NAALADL2: variants seen among roughly 807,000 people sequenced by gnomAD.
The protein encoded by NAALADL2 is inactive N-acetylated-alpha-linked acidic dipeptidase-like protein 2.
Under a neutral mutation model 87.2 loss-of-function variants are expected in NAALADL2, and 76 were observed. The observed-to-expected ratio is 0.87, with a 90% CI of 0.72 to 1.05. The LOEUF is 1.05. Ranked by LOEUF, NAALADL2 falls within the 50% of genes least tolerant of loss-of-function variation. The pLI, the probability that NAALADL2 is intolerant of heterozygous loss-of-function variation, is 0.00. For synonymous variants in NAALADL2, 354 were observed against 331.0 expected (o/e 1.07, Z -0.75); for missense variants, 1,089 against 945.8 (o/e 1.15, Z -1.99).
At chr3:174,780,182 T>A (rs902478146) in intron 3 of NAALADL2, among the ~76,000 whole-genome samples, 1 of 152,220 alleles carries the variant, frequency 6.6e-6, no homozygotes, top group Non-Finnish European at 1.5e-5. Context: ...GAAGAAGTCC[T>A]TCAAATCCCT....
At chr3:175,637,218 C>G (rs1316464634) in intron 11 of NAALADL2, among the ~76,000 whole-genome samples, 1 of 152,178 alleles carries the variant, frequency 6.6e-6, no homozygotes, top group Admixed American at 6.5e-5. Flanking sequence ...ATATTCCAGT[C>G]TGAGATATGT....
intron 2 of NAALADL2, among the ~76,000 whole-genome samples, chr3:174,643,195 T>C (rs1200061953): frequency 6.6e-6 from 1 of 152,166 alleles, no homozygotes; most frequent in Non-Finnish European, 1.5e-5. Context: ...CACAGAGTAG[T>C]TCCTGCTCTC....
At chr3:175,344,356 G>T (rs574542702) in intron 5 of NAALADL2, among the ~76,000 whole-genome samples, 1 of 151,528 alleles carries the variant, frequency 6.6e-6, no homozygotes, top group Admixed American at 6.6e-5. Context: ...TACACAATAT[G>T]GTAGAAGTAG....
intron 1 of NAALADL2, among the ~76,000 whole-genome samples, chr3:175,061,883 T>C (rs1580250658): frequency 6.6e-6 from 1 of 152,000 alleles, no homozygotes; most frequent in East Asian, 1.9e-4. Context: ...TAGATGCACT[T>C]GGGTAAATAT....
intron 5 of NAALADL2, among the ~76,000 whole-genome samples, chr3:175,423,436 G>T (rs1295669786): frequency 2.7e-5 from 3 of 111,172 alleles, no homozygotes; most frequent in Admixed American, 1.2e-4. Flanking sequence ...CCCACAACAG[G>T]CCCCGGTGTG....
chr3:175,061,729 AT>A, intron 1 of NAALADL2, among the ~76,000 whole-genome samples: 1 of 52,448 alleles, frequency 1.9e-5, no homozygotes, highest in Non-Finnish European at 3.7e-5. Flanking sequence ...ACTTGCACAA[AT>A]ATATATATAT....
At chr3:175,089,383 TAA>T (rs1044608926) in intron 1 of NAALADL2, among the ~76,000 whole-genome samples, 1 of 152,174 alleles carries the variant, frequency 6.6e-6, no homozygotes, top group African/African-American at 2.4e-5. Context: ...GTTTAATATT[TAA>T]AAGAGTAGGT....
chr3:175,678,640 C>T lies in NAALADL2; in HGVS notation c.1896+51254C>T, dbSNP rs1025916812. The stretch of plus-strand genomic sequence containing the variant: ...ATCGCAAGGACAGAAAACTAAACAC[C>T]GCATGTTCTCAATCATAGGTGGGAA... On this transcript the variant is annotated intron_variant, in intron 11 of 13. Transcript: ENST00000454872. 3.9e-5 allele frequency among the ~76,000 whole-genome samples: 6 copies of T among 152,114 alleles called. No homozygotes were observed. In the South Asian group the frequency reaches 6.2e-4, roughly 16 times the overall value.
intron 5 of NAALADL2, among the ~76,000 whole-genome samples, chr3:175,409,639 A>G (rs1435995540): frequency 1.3e-5 from 2 of 152,090 alleles, no homozygotes; most frequent in Non-Finnish European, 2.9e-5. Flanking sequence ...CCTCCCAAGA[A>G]CTTACCAAAT....
chr3:175,084,484 C>A (rs947506731), intron 1 of NAALADL2, among the ~76,000 whole-genome samples: 1 of 152,162 alleles, frequency 6.6e-6, no homozygotes, highest in African/African-American at 2.4e-5. Flanking sequence ...TCTTGGTACT[C>A]AGGGCTATAA....
chr3:174,744,596 G>A (rs1333078743), intron 3 of NAALADL2, among the ~76,000 whole-genome samples: 2 of 152,014 alleles, frequency 1.3e-5, no homozygotes, highest in African/African-American at 4.8e-5. Flanking sequence ...GGATCAAGTG[G>A]ACCTGATAGA....
chr3:175,636,989 C>G lies in NAALADL2; in HGVS notation c.1896+9603C>G, dbSNP rs751970786. Among the ~76,000 whole-genome samples the G allele has an allele frequency of 2.0e-5, 3 of 152,154 alleles. No homozygotes were observed. In the East Asian group the frequency reaches 5.8e-4, roughly 29 times the overall value. Reference sequence around the variant, plus strand: ...TAAATATTTGATTTAATTCATCACCCAAGAACTTCATGTTGAAAATATTTT... The same window carrying G: ...TAAATATTTGATTTAATTCATCACCGAAGAACTTCATGTTGAAAATATTTT... On this transcript the variant is annotated intron_variant, in intron 11 of 13. Coordinates refer to ENST00000454872, the MANE Select transcript of NAALADL2 (RefSeq NM_207015.3).
chr3:174,652,556 CCAT>C (rs1724477038), intron 2 of NAALADL2, among the ~76,000 whole-genome samples: 1 of 151,800 alleles, frequency 6.6e-6, no homozygotes, highest in Non-Finnish European at 1.5e-5. Flanking sequence ...CTTTATAAAG[CCAT>C]CAGATCTCGT....
chr3:174,603,527 A>C (rs1436168905), intron 2 of NAALADL2, among the ~76,000 whole-genome samples: 1 of 151,598 alleles, frequency 6.6e-6, no homozygotes, highest in Non-Finnish European at 1.5e-5. Context: ...TAAGTTTATC[A>C]ATTTTGTTTA....
intron 13 of NAALADL2, among the ~76,000 whole-genome samples, chr3:175,762,884 A>T (rs1033237920): frequency 2.0e-5 from 3 of 152,144 alleles, no homozygotes; most frequent in African/African-American, 7.2e-5. Context: ...GGAGACCGAG[A>T]CCATCCTGGC....
At chr3:175,450,676 G>A (rs1314047503) in intron 6 of NAALADL2, among the ~76,000 whole-genome samples, 1 of 135,076 alleles carries the variant, frequency 7.4e-6, no homozygotes, top group Admixed American at 8.2e-5. Context: ...AGTTGATGTA[G>A]TCTGTCAATA....
At chr3:174,890,565 A>T (rs1730741877) in intron 1 of NAALADL2, among the ~76,000 whole-genome samples, 1 of 152,228 alleles carries the variant, frequency 6.6e-6, no homozygotes, top group Non-Finnish European at 1.5e-5. Context: ...ATGTAGAATG[A>T]ATAAGCACAG....
At chr3:174,632,843 G>T (rs1299454668) in intron 2 of NAALADL2, among the ~76,000 whole-genome samples, 1 of 146,312 alleles carries the variant, frequency 6.8e-6, no homozygotes. Context: ...GCTGAGGCAC[G>T]AGAATCACTT....
chr3:174,862,581 C>T (rs1726633606), intron 1 of NAALADL2, among the ~76,000 whole-genome samples: 1 of 152,078 alleles, frequency 6.6e-6, no homozygotes, highest in South Asian at 2.1e-4. Flanking sequence ...CTCAGGAATC[C>T]AGTTTCCATG....
Sources: allele counts gnomAD v4.1 joint callset (sites outside exome capture counted in the v4.1 genomes callset), GRCh38; gene constraint gnomAD v4.1.1; transcripts MANE v1.5; gene names NCBI Gene and HGNC (gene_info 2026-07-23, HGNC 2026-07-21).